CDK14: variants seen among roughly 807,000 people sequenced by gnomAD.
CDK14 encodes cyclin dependent kinase 14.
A neutral mutation model predicts 60.7 loss-of-function variants in CDK14; 34 were observed. The observed-to-expected ratio is 0.56, with a 90% CI of 0.43 to 0.75. The LOEUF is 0.75. Ranked by LOEUF, CDK14 falls within the 30% of genes least tolerant of loss-of-function variation. CDK14 has a pLI of 0.00. For synonymous variants in CDK14, 197 were observed against 203.7 expected (o/e 0.97, Z 0.28); for missense variants, 482 against 564.1 (o/e 0.85, Z 1.47).
At chr7:90,829,432 G>C in intron 5 of CDK14, among the ~76,000 whole-genome samples, 1 of 152,158 alleles carries the variant, frequency 6.6e-6, no homozygotes, top group East Asian at 1.9e-4. Context: ...TACAGTGGGG[G>C]TACAGGCATT....
rs564823109 is a variant in CDK14 at position 90,846,021 on chromosome 7, T to G, written c.545-17154T>G. On this transcript the variant is annotated intron_variant, in intron 5 of 14. Transcript: ENST00000380050. ...TGTCTTTTTTTATATAAAATAATAATTAAACTCCATAAAAACCTGAAGAAT... is the reference window on the plus strand; with the variant it reads ...TGTCTTTTTTTATATAAAATAATAAGTAAACTCCATAAAAACCTGAAGAAT... Among the ~76,000 whole-genome samples the G allele has an allele frequency of 9.1e-4, 138 of 152,220 alleles. 1 individual carries two copies. Among genetic ancestry groups the G allele is most frequent in the African/African-American group, 3.2e-3 (135 of 41,550 alleles).
intron 14 of CDK14, among the ~76,000 whole-genome samples, chr7:91,165,404 C>G (rs1182612179): frequency 6.6e-6 from 1 of 152,104 alleles, no homozygotes; most frequent in African/African-American, 2.4e-5. Flanking sequence ...GAGTTTTGGG[C>G]TAAACCTTGT....
intron 5 of CDK14, among the ~76,000 whole-genome samples, chr7:90,816,421 T>C (rs76996217): frequency 6.6e-6 from 1 of 152,350 alleles, no homozygotes; most frequent in East Asian, 1.9e-4. Flanking sequence ...TGGGTATTGT[T>C]CTGTGCGGTG....
intron 4 of CDK14, among the ~76,000 whole-genome samples, chr7:90,787,947 C>G (rs193219682): frequency 1.3e-5 from 2 of 152,044 alleles, no homozygotes; most frequent in African/African-American, 4.8e-5. Flanking sequence ...TCTTTAGTTG[C>G]ACTTAAAAAA....
intron 2 of CDK14, among the ~76,000 whole-genome samples, chr7:90,725,797 A>G (rs1313887285): frequency 6.6e-6 from 1 of 152,140 alleles, no homozygotes; most frequent in Non-Finnish European, 1.5e-5. Flanking sequence ...AGCAAAAATC[A>G]CAGAGACTGA....
At chr7:91,203,482 C>T (rs1045445065) in intron 14 of CDK14, among the ~76,000 whole-genome samples, 4 of 152,176 alleles carry the variant, frequency 2.6e-5, no homozygotes, top group African/African-American at 4.8e-5. Context: ...TGTCTTCACA[C>T]CTCTGGAGGG....
intron 5 of CDK14, among the ~76,000 whole-genome samples, chr7:90,854,364 C>G (rs1244018901): frequency 6.6e-6 from 1 of 151,868 alleles, no homozygotes; most frequent in African/African-American, 2.4e-5. Context: ...TAACTAGAAA[C>G]AAACAAACAA....
At chr7:91,089,204 C>T (rs1798730965) in intron 12 of CDK14, among the ~76,000 whole-genome samples, 1 of 152,006 alleles carries the variant, frequency 6.6e-6, no homozygotes, top group African/African-American at 2.4e-5. Context: ...GGCATCAAAC[C>T]ACGTCAACCA....
At chr7:90,860,043 C>T (rs1046512031) in intron 5 of CDK14, among the ~76,000 whole-genome samples, 2 of 152,000 alleles carry the variant, frequency 1.3e-5, no homozygotes, top group South Asian at 2.1e-4. Context: ...GTTTTGAATA[C>T]TCTACTTGAA....
chr7:90,761,588 T>A (rs965665939), intron 4 of CDK14, among the ~76,000 whole-genome samples: 1 of 152,112 alleles, frequency 6.6e-6, no homozygotes, highest in Non-Finnish European at 1.5e-5. Context: ...TAGGGATAAT[T>A]TTGTTTGCCA....
intron 10 of CDK14, among the ~76,000 whole-genome samples, chr7:91,045,171 T>C (rs1260182300): frequency 6.6e-6 from 1 of 152,176 alleles, no homozygotes. Context: ...TGATTTGCCA[T>C]GATCATTGAG....
intron 4 of CDK14, among the ~76,000 whole-genome samples, chr7:90,754,419 C>T (rs1803973863): frequency 1.3e-5 from 2 of 152,172 alleles, no homozygotes; most frequent in South Asian, 4.1e-4. Flanking sequence ...GTATAGATGG[C>T]TGTCCATATG....
chr7:90,978,411 G>T (rs1332529785), intron 9 of CDK14, among the ~76,000 whole-genome samples: 1 of 152,054 alleles, frequency 6.6e-6, no homozygotes, highest in Non-Finnish European at 1.5e-5. Flanking sequence ...AAAACAGGTG[G>T]AAAGAAAATC....
intron 7 of CDK14, among the ~76,000 whole-genome samples, chr7:90,905,382 A>G (rs1245823203): frequency 6.6e-6 from 1 of 152,158 alleles, no homozygotes; most frequent in East Asian, 1.9e-4. Context: ...AAACAAAAGA[A>G]CTAGATTATT....
chr7:90,681,291 C>G (rs1251247044), intron 2 of CDK14, among the ~76,000 whole-genome samples: 4 of 152,308 alleles, frequency 2.6e-5, no homozygotes, highest in Non-Finnish European at 5.9e-5. Context: ...GATCAAATGT[C>G]ACTTTAATCC....
intron 11 of CDK14, among the ~76,000 whole-genome samples, chr7:91,053,137 A>G (rs1797440544): frequency 6.6e-6 from 1 of 152,208 alleles, no homozygotes; most frequent in Non-Finnish European, 1.5e-5. Context: ...TATGGTGATA[A>G]CACCTTACGT....
intron 2 of CDK14, among the ~76,000 whole-genome samples, chr7:90,715,557 T>G (rs1334040936): frequency 6.6e-6 from 1 of 152,004 alleles, no homozygotes; most frequent in Non-Finnish European, 1.5e-5. Context: ...TTTCCCCTTT[T>G]CAGGTAGAAC....
At chr7:90,923,984 G>A (rs1339561850) in intron 8 of CDK14, among the ~76,000 whole-genome samples, 10 of 152,244 alleles carry the variant, frequency 6.6e-5, no homozygotes, top group Non-Finnish European at 2.9e-5. Context: ...GTGGATTTAT[G>A]TAATACATGT....
In CDK14 at chr7:90,806,543, A is replaced by C. The variant is rs891646317; in HGVS notation, c.544+15891A>C. On this transcript the variant is annotated intron_variant, in intron 5 of 14. Transcript: ENST00000380050. ...CAGTCTACAGCTCCCAGCGTGAGCG[A>C]TGTAGAAGACAGGTGATTTCTGCAT... 5.1e-4 allele frequency among the ~76,000 whole-genome samples: 77 copies of C among 152,222 alleles called. 2 individuals carry two copies. Among genetic ancestry groups the C allele is most frequent in the Admixed American group, 9.8e-4 (15 of 15,280 alleles).
Sources: allele counts gnomAD v4.1 joint callset (sites outside exome capture counted in the v4.1 genomes callset), GRCh38; gene constraint gnomAD v4.1.1; transcripts MANE v1.5; gene names NCBI Gene and HGNC (gene_info 2026-07-23, HGNC 2026-07-21).